Variants in LUC7L observed in about 807,000 individuals in gnomAD.
LUC7L encodes the protein LUC7 like.
Under a neutral mutation model 51.1 loss-of-function variants are expected in LUC7L, and 29 were observed. The ratio of observed to expected loss-of-function variants is 0.57; its 90% CI spans 0.42 to 0.77. LUC7L has a LOEUF of 0.77. Ranked by LOEUF, LUC7L falls within the 30% of genes least tolerant of loss-of-function variation. The probability of loss-of-function intolerance (pLI) is 0.00; values close to 1 mark genes in which losing one functional copy is unlikely to be tolerated. For synonymous variants in LUC7L, 181 were observed against 180.7 expected, an observed-to-expected ratio of 1.00 and a Z score of -0.01; for missense variants, 403 against 511.9, an observed-to-expected ratio of 0.79 and a Z score of 2.05.
intron 5 of LUC7L, 107 bp downstream of exon 5, chr16:205,897 A>G: frequency 7.4e-7 from 1 of 1,358,222 alleles, no homozygotes; most frequent in East Asian, 2.3e-5. Flanking sequence ...CCCAAAATGT[A>G]TAAATTTTTT....
chr16:227,386 C>T (rs746137333), intron 1 of LUC7L, 50 bp from the exon 2 acceptor site: 6 of 1,554,410 alleles, frequency 3.9e-6, no homozygotes, highest in Admixed American at 1.9e-5. Context: ...ACATTAACCA[C>T]CAAAAAATAA....
intron 7 of LUC7L, 22 bp from the exon 8 acceptor site, chr16:190,592 G>C (rs1480079411): frequency 6.2e-7 from 1 of 1,611,932 alleles, no homozygotes; most frequent in Non-Finnish European, 8.5e-7. Flanking sequence ...AAAAAAAGAT[G>C]AACAAGGCCA....
chr16:223,735 T>C (rs989110418), intron 2 of LUC7L, among the ~76,000 whole-genome samples: 3 of 151,896 alleles, frequency 2.0e-5, no homozygotes, highest in African/African-American at 7.3e-5. Flanking sequence ...AGTGGCACGA[T>C]CTCAGCTCAC....
chr16:207,276 A>C (rs576606383), intron 4 of LUC7L, among the ~76,000 whole-genome samples: 1 of 151,988 alleles, frequency 6.6e-6, no homozygotes, highest in Non-Finnish European at 1.5e-5. Context: ...GGCTGAAGCA[A>C]AGTAGCATGA....
Position 216,627 on chromosome 16 carries a change from G to A in LUC7L, c.255+4022C>T, listed in dbSNP as rs561187643. ...GAACTCCTGAACTCGTGATCTGCCC[G>A]CCTCGGCCTCCCGAAGTGCTGAGAT... is the stretch of plus-strand genomic sequence containing the variant. On this transcript the variant is annotated intron_variant, in intron 3 of 9. Transcript: ENST00000293872. 1.2e-4 allele frequency among the ~76,000 whole-genome samples: 19 copies of A among 152,032 alleles called. 1 individual carries two copies. In the South Asian group the frequency reaches 3.3e-3, roughly 27 times the overall value.
intron 7 of LUC7L, among the ~76,000 whole-genome samples, chr16:192,502 C>CCTT (rs567169264): frequency 8.0e-6 from 1 of 125,638 alleles, no homozygotes; most frequent in African/African-American, 3.0e-5. Flanking sequence ...ATGCTGTTTA[C>CCTT]TTTTTTTTTT....
chr16:222,236 A>G (rs1012497944), intron 2 of LUC7L, among the ~76,000 whole-genome samples: 8 of 151,678 alleles, frequency 5.3e-5, no homozygotes, highest in Non-Finnish European at 1.2e-4. Context: ...GCTGAGGATC[A>G]TCGTGTCAAG....
chr16:225,330 A>T (rs2142122083), intron 2 of LUC7L, among the ~76,000 whole-genome samples: 1 of 151,974 alleles, frequency 6.6e-6, no homozygotes, highest in South Asian at 2.1e-4. Flanking sequence ...TACTGAAAAT[A>T]CAAAAGTTAG....
chr16:201,588 C>T (rs1314642754), intron 5 of LUC7L, among the ~76,000 whole-genome samples: 5 of 151,930 alleles, frequency 3.3e-5, no homozygotes, highest in African/African-American at 1.2e-4. Context: ...TACAAGCGCA[C>T]GCCGCCACGC....
At chr16:217,349 C>T (rs754305975) in intron 3 of LUC7L, among the ~76,000 whole-genome samples, 13 of 152,084 alleles carry the variant, frequency 8.5e-5, no homozygotes, top group Non-Finnish European at 1.8e-4. Context: ...AATTGCATTC[C>T]TGTGTCAAAT....
At chr16:190,629 C>T (rs2048987313) in intron 7 of LUC7L, 59 bp from the exon 8 acceptor site, 1 of 1,537,252 alleles carries the variant, frequency 6.5e-7, no homozygotes, top group Non-Finnish European at 9.0e-7. Context: ...CCTGTAATCC[C>T]AGCACTTCGG....
rs935043346 is a variant in LUC7L at position 207,663 on chromosome 16, T to C, written c.366+415A>G. 1.1e-4 allele frequency among the ~76,000 whole-genome samples: 17 copies of C among 152,168 alleles called. 1 individual carries two copies. Among genetic ancestry groups the C allele is most frequent in the Admixed American group, 8.5e-4 (13 of 15,298 alleles). On this transcript the variant is annotated intron_variant, in intron 4 of 9. Coordinates refer to ENST00000293872, the MANE Select transcript of LUC7L (RefSeq NM_201412.3). ...TTGATCACAGCCCTCTATCCTTAAC[T>C]GGAGTAAGGCAGAGAGTACTGTCCA... is the stretch of plus-strand genomic sequence containing the variant.
In LUC7L at chr16:189,053, C is replaced by T. The variant is rs2048939189; in HGVS notation, c.*145G>A. The T allele has an allele frequency of 1.1e-6, 1 of 916,648 alleles. No individual in the cohort carries two copies. The highest frequency in any genetic ancestry group is 1.7e-5 in the African/African-American group (1 of 60,488). 56.8% of individuals were successfully genotyped at this position (916,648 alleles called of 1,614,324 possible). ...ATGACCCGGGAACACAGGAGCAACT[C>T]TGTACACTTCTAGAAACTCACAGCT... On this transcript the variant is annotated 3_prime_UTR_variant, in exon 10 of 10. Transcript: ENST00000293872.
chr16:215,578 G>GCGCCAT (rs1567187411), intron 3 of LUC7L, among the ~76,000 whole-genome samples: 1 of 149,326 alleles, frequency 6.7e-6, no homozygotes, highest in African/African-American at 2.5e-5. Flanking sequence ...CGAGATCATC[G>GCGCCAT]CGCCATTGCA....
intron 6 of LUC7L, among the ~76,000 whole-genome samples, chr16:193,431 C>A (rs1184990067): frequency 1.3e-5 from 2 of 152,016 alleles, no homozygotes; most frequent in Non-Finnish European, 2.9e-5. Flanking sequence ...AGGCATGAGC[C>A]ACCGCGCCCG....
intron 3 of LUC7L, among the ~76,000 whole-genome samples, chr16:213,397 T>C (rs1038218532): frequency 6.6e-6 from 1 of 151,902 alleles, no homozygotes; most frequent in Admixed American, 6.6e-5. Context: ...GCCCACAATT[T>C]TTTTTTTGGA....
intron 6 of LUC7L, among the ~76,000 whole-genome samples, chr16:193,223 A>G (rs1304709855): frequency 1.2e-3 from 181 of 151,664 alleles, no homozygotes; most frequent in African/African-American, 4.2e-3. Flanking sequence ...ATCTCGGCTC[A>G]CTGCAACTTC....
intron 1 of LUC7L, chr16:228,972 G>C (rs1234737600): frequency 4.2e-6 from 6 of 1,428,382 alleles, no homozygotes; most frequent in Non-Finnish European, 5.6e-6. Flanking sequence ...CGACTCCACA[G>C]TTCGCGGAGG....
chr16:218,846 A>G (rs571748640), intron 3 of LUC7L, among the ~76,000 whole-genome samples: 2 of 146,782 alleles, frequency 1.4e-5, no homozygotes, highest in Non-Finnish European at 3.0e-5. Flanking sequence ...TCCCAATACC[A>G]GTGAGAGGCC....
Sources: gnomAD v4.1 joint callset for allele counts (sites outside exome capture counted in the v4.1 genomes callset) on GRCh38, gnomAD v4.1.1 for gene constraint, MANE v1.5 for transcripts, NCBI Gene and HGNC (gene_info 2026-07-23, HGNC 2026-07-21) for gene names.